The following RSU1 variants were observed in gnomAD, a reference collection of about 807,000 sequenced individuals.
RSU1 encodes rsu-1.
Under a neutral mutation model 31.1 loss-of-function variants are expected in RSU1, and 26 were observed. The ratio of observed to expected loss-of-function variants is 0.84; its 90% CI spans 0.61 to 1.16. The LOEUF (loss-of-function observed/expected upper bound fraction) is 1.16, where lower values mean the gene tolerates loss of function less well. Among genes scored for constraint, RSU1 ranks in the 50% most tolerant of loss-of-function variants. The pLI, the probability that RSU1 is intolerant of heterozygous loss-of-function variation, is 0.00. For synonymous variants in RSU1, 164 were observed against 136.3 expected (o/e 1.20, Z -1.41); for missense variants, 320 against 339.1 (o/e 0.94, Z 0.44).
At chr10:16,677,979 A>T (rs1039207935) in intron 8 of RSU1, among the ~76,000 whole-genome samples, 2 of 144,936 alleles carry the variant, frequency 1.4e-5, no homozygotes, top group African/African-American at 2.4e-5. Context: ...GCTTAAAAAA[A>T]TTAAGGAGAA....
In RSU1 at chr10:16,729,642, T is replaced by C. The variant is rs12569431; in HGVS notation, c.598+22897A>G. 8.9e-3 allele frequency among the ~76,000 whole-genome samples: 1,349 copies of C among 152,312 alleles called. 36 individuals carry two copies. The East Asian group carries it at 0.1, about 11-fold the overall frequency. ...TGAAGCAGTCAAAACATAAAGATACTATCACTCTCAGAAGGCTCTGCACTA... is the reference window on the plus strand; with the variant it reads ...TGAAGCAGTCAAAACATAAAGATACCATCACTCTCAGAAGGCTCTGCACTA... On this transcript the variant is annotated intron_variant, in intron 7 of 8. Coordinates refer to ENST00000345264, the MANE Select transcript of RSU1 (RefSeq NM_012425.4).
chr10:16,688,728 C>T (rs1430222180), intron 8 of RSU1, among the ~76,000 whole-genome samples: 1 of 152,048 alleles, frequency 6.6e-6, no homozygotes, highest in Non-Finnish European at 1.5e-5. Context: ...AAGCCAGGTG[C>T]CGTGGTGCGT....
intron 7 of RSU1, among the ~76,000 whole-genome samples, chr10:16,719,359 C>T (rs563064675): frequency 1.3e-5 from 2 of 152,128 alleles, no homozygotes; most frequent in Non-Finnish European, 2.9e-5. Flanking sequence ...ATCATTCTTA[C>T]AGCAATCCAG....
intron 8 of RSU1, among the ~76,000 whole-genome samples, chr10:16,645,953 TATAC>T (rs1362017819): frequency 2.6e-5 from 2 of 77,412 alleles, no homozygotes; most frequent in Non-Finnish European, 2.4e-5. Flanking sequence ...TATATGTGTA[TATAC>T]ATATATGTGT....
intron 8 of RSU1, among the ~76,000 whole-genome samples, chr10:16,693,196 AC>A (rs1426491836): frequency 6.6e-6 from 1 of 151,948 alleles, no homozygotes; most frequent in African/African-American, 2.4e-5. Context: ...CAAGTGATCC[AC>A]CCGCCTTGCC....
At chr10:16,629,589 T>A (rs1281530636) in intron 8 of RSU1, among the ~76,000 whole-genome samples, 1 of 152,180 alleles carries the variant, frequency 6.6e-6, no homozygotes, top group Non-Finnish European at 1.5e-5. Flanking sequence ...CTTCCTTGGA[T>A]GCAACAAAAA....
chr10:16,751,863 C>T (rs371407512), intron 7 of RSU1, among the ~76,000 whole-genome samples: 1 of 152,158 alleles, frequency 6.6e-6, no homozygotes, highest in South Asian at 2.1e-4. Context: ...GAACCTTTTG[C>T]AGTGGAACGA....
chr10:16,599,016 A>G (rs1833668644), intron 8 of RSU1, among the ~76,000 whole-genome samples: 1 of 152,214 alleles, frequency 6.6e-6, no homozygotes, highest in Non-Finnish European at 1.5e-5. Flanking sequence ...GAGGAAGTGC[A>G]AACAGCTTTG....
At chr10:16,702,681 G>A (rs937164063) in intron 7 of RSU1, among the ~76,000 whole-genome samples, 1 of 152,230 alleles carries the variant, frequency 6.6e-6, no homozygotes, top group South Asian at 2.1e-4. Flanking sequence ...TATCTTGAAA[G>A]TAACAAACTT....
At chr10:16,759,256 T>A (rs912133037) in intron 4 of RSU1, among the ~76,000 whole-genome samples, 2 of 152,096 alleles carry the variant, frequency 1.3e-5, no homozygotes, top group Non-Finnish European at 2.9e-5. Flanking sequence ...TCCCAGCACT[T>A]TGGAAGGCCA....
chr10:16,689,101 T>G (rs1019986272), intron 8 of RSU1, among the ~76,000 whole-genome samples: 3 of 152,204 alleles, frequency 2.0e-5, no homozygotes, highest in Non-Finnish European at 4.4e-5. Context: ...ATTTGAGCTA[T>G]TTTCAGATAC....
chr10:16,623,990 G>C (rs1423235992), intron 8 of RSU1, among the ~76,000 whole-genome samples: 1 of 152,068 alleles, frequency 6.6e-6, no homozygotes, highest in East Asian at 1.9e-4. Context: ...GTCAAAATGA[G>C]TATGAAACCC....
Position 16,752,983 on chromosome 10 carries a change from A to G in RSU1, c.418T>C (p.Tyr140His). The G allele has an allele frequency of 6.2e-7, 1 of 1,613,908 alleles. No individual in the cohort carries two copies. The highest frequency in any genetic ancestry group is 8.5e-7 in the Non-Finnish European group (1 of 1,179,800). Reference sequence around the variant, plus strand: ...ATTTCAAAATCGTTGTCACTTAGATAGAGTGCACGCAGGGTGGCTGCAAAT... The same window carrying G: ...ATTTCAAAATCGTTGTCACTTAGATGGAGTGCACGCAGGGTGGCTGCAAAT... ...FFYLTTLRAL[Y>H]LSDNDFEILP... The change falls in exon 6 of 9, where the codon TAT becomes CAT. Residue 140 changes from tyrosine (Y) to histidine (H), a missense_variant. Tyr to His is a moderately conservative substitution (Grantham distance 83). Transcript: ENST00000345264.
chr10:16,623,197 C>G (rs1588679604), intron 8 of RSU1, among the ~76,000 whole-genome samples: 1 of 152,154 alleles, frequency 6.6e-6, no homozygotes, highest in African/African-American at 2.4e-5. Context: ...TCCCACCTGC[C>G]TCTAGTAGCC....
intron 8 of RSU1, among the ~76,000 whole-genome samples, chr10:16,611,250 C>T (rs1203937534): frequency 6.6e-6 from 1 of 152,150 alleles, no homozygotes; most frequent in Admixed American, 6.5e-5. Context: ...AGCCTCTGGG[C>T]CCATTGCCAG....
At chr10:16,744,571 T>TA (rs1836812549) in intron 7 of RSU1, among the ~76,000 whole-genome samples, 1 of 152,178 alleles carries the variant, frequency 6.6e-6, no homozygotes, top group African/African-American at 2.4e-5. Context: ...ACCCAACACT[T>TA]ACTAGGAACA....
At chr10:16,646,859 G>C (rs867874978) in intron 8 of RSU1, among the ~76,000 whole-genome samples, 1 of 152,302 alleles carries the variant, frequency 6.6e-6, no homozygotes, top group South Asian at 2.1e-4. Flanking sequence ...AATGAGGCTG[G>C]AATCAACACG....
intron 7 of RSU1, among the ~76,000 whole-genome samples, chr10:16,714,450 C>A (rs555120981): frequency 6.6e-6 from 1 of 152,138 alleles, no homozygotes; most frequent in Non-Finnish European, 1.5e-5. Context: ...TGTCTGTATG[C>A]GGGAACGAGG....
At chr10:16,612,760 G>A (rs1424586385) in intron 8 of RSU1, among the ~76,000 whole-genome samples, 1 of 152,158 alleles carries the variant, frequency 6.6e-6, no homozygotes, top group Non-Finnish European at 1.5e-5. Context: ...TCGCTAGTCA[G>A]CTCTTCGTTA....
Sources: allele counts gnomAD v4.1 joint callset (sites outside exome capture counted in the v4.1 genomes callset), GRCh38; gene constraint gnomAD v4.1.1; transcripts MANE v1.5; gene names NCBI Gene and HGNC (gene_info 2026-07-23, HGNC 2026-07-21).